Variants in NFS1 observed in about 807,000 individuals in gnomAD.
The protein encoded by NFS1 is NFS1 cysteine desulfurase.
Under a neutral mutation model 57.3 loss-of-function variants are expected in NFS1, and 26 were observed. That is an observed-to-expected ratio of 0.45 (90% CI 0.33 to 0.63). NFS1 has a LOEUF of 0.63. NFS1 is among the 20% of genes least tolerant of loss of function. The pLI is 0.02. For missense variants in NFS1, 505 were observed against 605.8 expected (o/e 0.83, Z 1.75); for synonymous variants, 209 against 216.3 (o/e 0.97, Z 0.30).
At chr20:35,689,670 C>T (rs1255559148) in intron 5 of NFS1, among the ~76,000 whole-genome samples, 8 of 151,006 alleles carry the variant, frequency 5.3e-5, no homozygotes, top group Non-Finnish European at 1.0e-4. Flanking sequence ...CTTGGGAGGC[C>T]GAGGCAGGGG....
chr20:35,672,657 T>G, intron 12 of NFS1, 98 bp downstream of exon 12: 1 of 798,648 alleles, frequency 1.3e-6, no homozygotes, highest in Non-Finnish European at 2.2e-6. Context: ...CAAGTACGCT[T>G]GAACTTTGGT....
chr20:35,669,546 T>G lies in NFS1; in HGVS notation c.*76A>C, dbSNP rs962320997. 3 of 1,314,340 alleles carry G rather than the reference T, an allele frequency of 2.3e-6. No homozygotes were observed. The allele number at this position is 1,314,340 out of a possible 1,614,324, so 81.4% of individuals were successfully genotyped here. On this transcript the variant is annotated 3_prime_UTR_variant, in exon 13 of 13. Transcript: ENST00000374092. ...ACCAATCTAGAGCATCCACTAGGTG[T>G]AACAAGGTGTCTGGTTGTGCACGGG... is the stretch of plus-strand genomic sequence containing the variant.
At chr20:35,671,155 G>A (rs539562567) in intron 12 of NFS1, among the ~76,000 whole-genome samples, 1 of 152,206 alleles carries the variant, frequency 6.6e-6, no homozygotes, top group African/African-American at 2.4e-5. Context: ...CCAGGCTGGA[G>A]AGCAGTGGTG....
intron 3 of NFS1, 84 bp from the exon 4 acceptor site, chr20:35,696,544 C>A: frequency 1.0e-6 from 1 of 978,966 alleles, no homozygotes. Flanking sequence ...AGCCCTGGAG[C>A]AAGAAGAGCT....
At chr20:35,688,343 T>C (rs951743066) in intron 5 of NFS1, among the ~76,000 whole-genome samples, 1 of 151,778 alleles carries the variant, frequency 6.6e-6, no homozygotes, top group African/African-American at 2.4e-5. Context: ...TCATTTGAGG[T>C]CAGGAGTTTG....
chr20:35,683,769 C>A (rs1275114500), intron 5 of NFS1, among the ~76,000 whole-genome samples: 2 of 110,372 alleles, frequency 1.8e-5, no homozygotes, highest in African/African-American at 3.7e-5. Flanking sequence ...CCAGCCTGGG[C>A]AACAGAGTGA....
chr20:35,680,966 A>T, intron 6 of NFS1, 95 bp from the exon 7 acceptor site: 1 of 1,072,550 alleles, frequency 9.3e-7, no homozygotes, highest in Non-Finnish European at 1.3e-6. Flanking sequence ...ATAGTAAATG[A>T]CCTGTAAATA....
chr20:35,695,997 G>A (rs1339695473), intron 4 of NFS1, among the ~76,000 whole-genome samples: 2 of 151,640 alleles, frequency 1.3e-5, no homozygotes, highest in African/African-American at 2.4e-5. Flanking sequence ...CTGAGATTGC[G>A]CCACTGCACT....
chr20:35,692,527 TAA>T (rs61052129), intron 4 of NFS1, among the ~76,000 whole-genome samples: 216 of 42,696 alleles, frequency 5.1e-3, no homozygotes, highest in African/African-American at 0.015. Context: ...TCATCTATAC[TAA>T]AAAAAAAAAA....
At chr20:35,683,275 A>G (rs958753990) in intron 5 of NFS1, among the ~76,000 whole-genome samples, 4 of 151,910 alleles carry the variant, frequency 2.6e-5, no homozygotes, top group African/African-American at 9.7e-5. Context: ...GAAGGTCAGA[A>G]GTTCAAGACC....
At chr20:35,679,415 C>T (rs2034810513) in intron 7 of NFS1, among the ~76,000 whole-genome samples, 1 of 152,102 alleles carries the variant, frequency 6.6e-6, no homozygotes, top group Admixed American at 6.6e-5. Flanking sequence ...AACTCCTGAC[C>T]TCGTGATCCG....
At chr20:35,690,696 A>T (rs1447693442) in intron 4 of NFS1, 131 bp from the exon 5 acceptor site, 5 of 861,846 alleles carry the variant, frequency 5.8e-6, no homozygotes, top group Non-Finnish European at 9.2e-6. Context: ...CCAACTGAGT[A>T]TCCTATAATT....
intron 5 of NFS1, among the ~76,000 whole-genome samples, chr20:35,687,433 T>C (rs1421829764): frequency 6.6e-6 from 1 of 152,114 alleles, no homozygotes; most frequent in Non-Finnish European, 1.5e-5. Flanking sequence ...TCTCTCTCTC[T>C]CTCTCTGCCT....
chr20:35,683,651 G>C (rs998950513), intron 5 of NFS1, among the ~76,000 whole-genome samples: 1 of 148,904 alleles, frequency 6.7e-6, no homozygotes, highest in African/African-American at 2.5e-5. Flanking sequence ...ATGGTGGCAC[G>C]CGCCCTGTAG....
Position 35,681,937 on chromosome 20 carries a change from G to A in NFS1, c.606C>T (p.Val202=), listed in dbSNP as rs1459197207. 1 of 1,613,050 alleles carries A rather than the reference G, an allele frequency of 6.2e-7. No homozygotes were observed. ...AIQPDTSLVS[V]MTVNNEIGVK... The stretch of plus-strand genomic sequence containing the variant: ...CTCCAATCTCATTGTTCACAGTCAT[G>A]ACTGACACCAGGCTAGTATCTGGCT... The change falls in exon 6 of 13, where the codon GTC becomes GTT. Residue 202 remains valine, a synonymous_variant. Coordinates refer to ENST00000374092, the MANE Select transcript of NFS1 (RefSeq NM_021100.5).
At chr20:35,687,471 G>C (rs1568962735) in intron 5 of NFS1, among the ~76,000 whole-genome samples, 1 of 151,934 alleles carries the variant, frequency 6.6e-6, no homozygotes, top group Non-Finnish European at 1.5e-5. Context: ...AGGGCCCCCT[G>C]TCCAATGGAC....
chr20:35,683,595 A>G (rs1005464038), intron 5 of NFS1, among the ~76,000 whole-genome samples: 115 of 151,980 alleles, frequency 7.6e-4, no homozygotes, highest in African/African-American at 2.5e-3. Flanking sequence ...CCTGGCTAAC[A>G]TGGTGAAACC....
intron 7 of NFS1, 41 bp downstream of exon 7, chr20:35,680,696 T>C: frequency 7.0e-7 from 1 of 1,425,958 alleles, no homozygotes; most frequent in East Asian, 2.7e-5. Flanking sequence ...AAGGTCTTGC[T>C]GGAAGGTACA....
intron 1 of NFS1, chr20:35,698,850 AAGACGTTT>A: frequency 7.4e-7 from 1 of 1,355,276 alleles, no homozygotes; most frequent in Non-Finnish European, 9.4e-7. Context: ...CTAAAGGGCA[AAGACGTTT>A]AGAAGGAACG....
Sources: allele counts gnomAD v4.1 joint callset (sites outside exome capture counted in the v4.1 genomes callset), GRCh38; gene constraint gnomAD v4.1.1; transcripts MANE v1.5; gene names NCBI Gene and HGNC (gene_info 2026-07-23, HGNC 2026-07-21).